Variants in ZNF184 observed in about 807,000 individuals in gnomAD.
ZNF184 encodes the protein zinc finger protein 184, also known as zinc finger protein 184 (Kruppel-like).
A neutral mutation model predicts 54.4 loss-of-function variants in ZNF184; 16 were observed. The observed-to-expected ratio is 0.29, with a 90% CI of 0.20 to 0.45. The LOEUF (loss-of-function observed/expected upper bound fraction) is 0.45, where lower values mean the gene tolerates loss of function less well. ZNF184 is among the 20% of genes least tolerant of loss of function. ZNF184 has a pLI of 1.00. For synonymous variants in ZNF184, 254 were observed against 295.3 expected (o/e 0.86, Z 1.43); for missense variants, 681 against 888.2 (o/e 0.77, Z 2.97).
intron 3 of ZNF184, among the ~76,000 whole-genome samples, chr6:27,467,063 T>G (rs557124941): frequency 1.1e-4 from 17 of 152,336 alleles, no homozygotes; most frequent in African/African-American, 4.1e-4. Context: ...TATGAACTTC[T>G]GCTTATAATC....
the ZNF184 span, among the ~76,000 whole-genome samples, chr6:27,417,006 G>A: frequency 2.0e-5 from 3 of 152,028 alleles, no homozygotes; most frequent in African/African-American, 7.2e-5. Flanking sequence ...CTGTGTCTGA[G>A]GGTTACTTTG....
At chr6:27,447,617 G>A (rs549762509), downstream of ZNF184, among the ~76,000 whole-genome samples, 338 of 152,260 alleles carry the variant, frequency 2.2e-3, 1 homozygote, top group Non-Finnish European at 2.5e-3. Flanking sequence ...GGAGGCTGAG[G>A]CAGGAGAATC....
the ZNF184 span, among the ~76,000 whole-genome samples, chr6:27,445,037 A>G: frequency 1.3e-5 from 2 of 152,206 alleles, no homozygotes; most frequent in African/African-American, 2.4e-5. Flanking sequence ...TTGGCAAAAC[A>G]TTTGTCAATG....
chr6:27,442,830 GAA>G, the ZNF184 span, among the ~76,000 whole-genome samples: 10 of 13,906 alleles, frequency 7.2e-4, no homozygotes, highest in African/African-American at 1.2e-3. Flanking sequence ...AAGAAAGAAA[GAA>G]AGAAAGAAAG....
the ZNF184 span, among the ~76,000 whole-genome samples, chr6:27,408,854 CA>C: frequency 1.3e-5 from 2 of 152,096 alleles, no homozygotes; most frequent in African/African-American, 4.8e-5. Context: ...ACTTTATCAG[CA>C]GGGGTAAAAC....
the ZNF184 span, among the ~76,000 whole-genome samples, chr6:27,415,023 A>G: frequency 2.0e-5 from 3 of 152,142 alleles, no homozygotes; most frequent in Admixed American, 6.5e-5. Context: ...TTCCCTTCCT[A>G]CCTCACAGGG....
chr6:27,456,691 C>T, intron 5 of ZNF184, 135 bp downstream of exon 5: 1 of 729,528 alleles, frequency 1.4e-6, no homozygotes, highest in Non-Finnish European at 2.2e-6. Flanking sequence ...GTCCAGAAAA[C>T]AGATGTTTTC....
chr6:27,463,865 T>C (rs1266786013), intron 3 of ZNF184, among the ~76,000 whole-genome samples: 1 of 151,390 alleles, frequency 6.6e-6, no homozygotes, highest in African/African-American at 2.4e-5. Context: ...AAAGTATTAT[T>C]CACAGCAGAC....
the ZNF184 span, among the ~76,000 whole-genome samples, chr6:27,412,197 C>T: frequency 1.3e-4 from 20 of 152,188 alleles, no homozygotes; most frequent in African/African-American, 4.8e-4. Context: ...AACTGGCCAG[C>T]ATCTCCTAGG....
At chr6:27,423,198 G>C in the ZNF184 span, among the ~76,000 whole-genome samples, 3 of 152,308 alleles carry the variant, frequency 2.0e-5, no homozygotes, top group South Asian at 4.1e-4. Context: ...AGAAGTCTTA[G>C]GATTTCCACG....
intron 3 of ZNF184, among the ~76,000 whole-genome samples, chr6:27,466,919 A>G (rs1295659695): frequency 6.6e-6 from 1 of 152,170 alleles, no homozygotes; most frequent in African/African-American, 2.4e-5. Context: ...CCTACACAAT[A>G]AAGCCTTCAA....
chr6:27,411,334 A>G, the ZNF184 span, among the ~76,000 whole-genome samples: 7 of 152,206 alleles, frequency 4.6e-5, no homozygotes, highest in African/African-American at 9.7e-5. Flanking sequence ...AATGGGGATT[A>G]AGTTTCAATA....
chr6:27,420,301 T>C, the ZNF184 span, among the ~76,000 whole-genome samples: 1 of 152,312 alleles, frequency 6.6e-6, no homozygotes, highest in Non-Finnish European at 1.5e-5. Context: ...ATTCAGCCTG[T>C]TCAAAATTCA....
At chr6:27,432,470 C>T in the ZNF184 span, among the ~76,000 whole-genome samples, 1 of 152,176 alleles carries the variant, frequency 6.6e-6, no homozygotes, top group African/African-American at 2.4e-5. The surrounding 1 kb of genome is among the most constrained non-coding windows in gnomAD (Gnocchi z 4.0). Context: ...TAAAAAAAAT[C>T]TCTATTAGCC....
In ZNF184 at chr6:27,452,792, T is replaced by A; in HGVS notation, c.767A>T (p.Glu256Val). 6.2e-7 allele frequency: 1 copy of A among 1,613,384 alleles called. No individual in the cohort carries two copies. Among genetic ancestry groups the A allele is most frequent in the South Asian group, 1.1e-5 (1 of 90,892 alleles). ...GTTTTCACTCCGGCTGAAGGCTTTT[T>A]CACATTCATTACATTTGTAGGGTTT... ...GEKPYKCNEC[E>V]KAFSRSENLI... is the part of the protein sequence containing the mutation. The change falls in exon 6 of 6, where the codon GAA becomes GTA. Residue 256 changes from glutamate to valine, a missense_variant. Transcript: ENST00000683788. This position sits in a 1 kb window ranked among gnomAD's most constrained non-coding sequence, Gnocchi z 5.5.
intron 5 of ZNF184, among the ~76,000 whole-genome samples, chr6:27,456,532 A>G (rs2092122): frequency 0.6 from 91,652 of 151,968 alleles, 27,752 homozygotes; most frequent in Middle Eastern, 0.75. Flanking sequence ...TTATGAGATC[A>G]TGGTCCTAAA....
intron 2 of ZNF184, among the ~76,000 whole-genome samples, chr6:27,469,413 C>T (rs938920302): frequency 2.0e-5 from 3 of 152,064 alleles, no homozygotes; most frequent in African/African-American, 7.2e-5. Flanking sequence ...GAGGCTGAGG[C>T]GGGCGGATCA....
At chr6:27,430,551 C>T in the ZNF184 span, among the ~76,000 whole-genome samples, 2 of 152,006 alleles carry the variant, frequency 1.3e-5, no homozygotes, top group African/African-American at 4.8e-5. Context: ...GAGGAGGGTA[C>T]AATGGAGGCA....
Position 27,451,788 on chromosome 6 carries a change from A to T in ZNF184, c.1771T>A (p.Cys591Ser). ...ATGTTCTGGTTGAATGCTCTCCCAC[A>T]CTCATTACACTTGTAAGGTCGTTCT... ...TGERPYKCNE[C>S]GRAFNQNIHL... Residue 591 changes from cysteine (C) to serine (S), a missense_variant, in exon 6 of 6, where the codon TGT becomes AGT. By Grantham distance (112) the Cys-to-Ser change is moderately radical. Transcript: ENST00000683788. The T allele has an allele frequency of 1.9e-6, 3 of 1,613,710 alleles. No homozygotes were observed. The highest frequency in any genetic ancestry group is 2.5e-6 in the Non-Finnish European group (3 of 1,179,950).
Sources: gnomAD v4.1 joint callset for allele counts (sites outside exome capture counted in the v4.1 genomes callset) on GRCh38, gnomAD v4.1.1 for gene constraint, Gnocchi (gnomAD v3.1) non-coding constraint, MANE v1.5 for transcripts, NCBI Gene and HGNC (gene_info 2026-07-23, HGNC 2026-07-21) for gene names.